IRAK3: variants seen among roughly 807,000 people sequenced by gnomAD.
The protein encoded by IRAK3 is interleukin-1 receptor-associated kinase 3.
A neutral mutation model predicts 56.6 loss-of-function variants in IRAK3; 57 were observed. That is an observed-to-expected ratio of 1.01 (90% confidence interval 0.81 to 1.26). The LOEUF (loss-of-function observed/expected upper bound fraction) is 1.26. Among genes scored for constraint, IRAK3 ranks in the 50% most tolerant of loss-of-function variants. The pLI is 0.00. For missense variants in IRAK3, 703 were observed against 719.0 expected (o/e 0.98, Z 0.25); for synonymous variants, 258 against 255.7 (o/e 1.01, Z -0.09).
intron 6 of IRAK3, among the ~76,000 whole-genome samples, 166 bp downstream of exon 6, chr12:66,217,401 C>T (rs1221308727): frequency 6.6e-6 from 1 of 152,138 alleles, no homozygotes; most frequent in Non-Finnish European, 1.5e-5. Context: ...CCTTAAAGTA[C>T]ATTTTAAAAT....
rs747402969 is a variant in IRAK3 at position 66,253,294 on chromosome 12, A to G, written c.*5123A>G. On this transcript the variant is annotated 3_prime_UTR_variant, in exon 12 of 12. Coordinates refer to ENST00000261233, the MANE Select transcript of IRAK3 (RefSeq NM_007199.3). ...ATACTAATATCTGAGATATCTTCGA[A>G]AAGAAGATTAGTCGTTGTATGTGTT... 1.8e-4 allele frequency: 28 copies of G among 152,242 alleles called. No individual in the cohort carries two copies. The highest frequency in any genetic ancestry group is 3.9e-4 in the Admixed American group (6 of 15,288). 9.4% of individuals were successfully genotyped at this position (152,242 alleles called of 1,614,324 possible). A position where few individuals can be genotyped will look rare whatever the true frequency, so the allele number is the denominator to read the frequency against.
At chr12:66,229,329 A>T (rs1380468112) in intron 8 of IRAK3, among the ~76,000 whole-genome samples, 2 of 152,118 alleles carry the variant, frequency 1.3e-5, no homozygotes, top group Admixed American at 1.3e-4. Flanking sequence ...CTGTCGGTGA[A>T]TTTTTTTCTA....
rs149628351 is a variant in IRAK3 at position 66,242,419 on chromosome 12, G to A, written c.888-2067G>A. Among the ~76,000 whole-genome samples the A allele has an allele frequency of 2.0e-3, 312 of 152,234 alleles. 1 individual carries two copies. Among genetic ancestry groups the A allele is most frequent in the Non-Finnish European group, 3.1e-3 (209 of 68,026 alleles). ...TCTTATCTAGAGCTGGAGAGAAGTC[G>A]GATCTGACTCTAGTCTGTTCCTCAT... On this transcript the variant is annotated intron_variant, in intron 8 of 11. Coordinates refer to ENST00000261233, the MANE Select transcript of IRAK3 (RefSeq NM_007199.3).
chr12:66,217,316 C>T (rs2052687165), intron 6 of IRAK3, 81 bp downstream of exon 6: 1 of 1,011,218 alleles, frequency 9.9e-7, no homozygotes, highest in Non-Finnish European at 1.6e-6. Flanking sequence ...CAGCACAGAG[C>T]TTGGCGTGAC....
intron 8 of IRAK3, among the ~76,000 whole-genome samples, 190 bp from the exon 9 acceptor site, chr12:66,244,296 C>G (rs1273301682): frequency 1.3e-5 from 2 of 152,182 alleles, no homozygotes; most frequent in African/African-American, 4.8e-5. Flanking sequence ...TTCTAGGTTG[C>G]AGATAACACT....
At chr12:66,197,022 G>A in intron 1 of IRAK3, 2 of 1,529,866 alleles carry the variant, frequency 1.3e-6, no homozygotes, top group Non-Finnish European at 1.7e-6. Flanking sequence ...TGCATATGGA[G>A]ACGTGATTTC....
In IRAK3 at chr12:66,197,634, G is replaced by T. The variant is rs906849793; in HGVS notation, c.134-6077G>T. ...CAGGCAGTATTCATTTTAACAGTCT[G>T]GATCAGTTTTTTACCATGAACTTCT... On this transcript the variant is annotated intron_variant, in intron 1 of 11. Transcript: ENST00000261233. The T allele has an allele frequency of 4.1e-6, 4 of 985,224 alleles. No homozygotes were observed. The Admixed American group carries it at 1.8e-4, about 46-fold the overall frequency. 61.0% of individuals were successfully genotyped at this position (985,224 alleles called of 1,614,324 possible).
At chr12:66,218,904 A>G (rs1017390511) in intron 6 of IRAK3, among the ~76,000 whole-genome samples, 1 of 152,118 alleles carries the variant, frequency 6.6e-6, no homozygotes, top group East Asian at 1.9e-4. Flanking sequence ...GCTTCCACAT[A>G]TAAGTGAGAT....
At chr12:66,245,723 G>T (rs1303002127) in intron 11 of IRAK3, among the ~76,000 whole-genome samples, 1 of 151,686 alleles carries the variant, frequency 6.6e-6, no homozygotes, top group Non-Finnish European at 1.5e-5. Flanking sequence ...AATAGAGGCG[G>T]GGTTTCACAT....
rs769338900 is a variant in IRAK3, at chr12:66,252,301, G to C, written c.*4130G>C. ...TCCAGATCTGGAGGAGCCAGGATTTGAACTCACATTTGTCTGACTTCAAAA... is the reference window on the plus strand; with the variant it reads ...TCCAGATCTGGAGGAGCCAGGATTTCAACTCACATTTGTCTGACTTCAAAA... On this transcript the variant is annotated 3_prime_UTR_variant, in exon 12 of 12. Transcript: ENST00000261233. The C allele has an allele frequency of 6.6e-6, 1 of 152,172 alleles. No homozygotes were observed. The highest frequency in any genetic ancestry group is 1.5e-5 in the Non-Finnish European group (1 of 68,028). The allele number at this position is 152,172 out of a possible 1,614,324, so 9.4% of individuals were successfully genotyped here.
chr12:66,200,351 C>T (rs951221564), intron 1 of IRAK3, among the ~76,000 whole-genome samples: 4 of 152,168 alleles, frequency 2.6e-5, no homozygotes, highest in African/African-American at 9.7e-5. Flanking sequence ...TGTAGTGACT[C>T]AGCATTTCAG....
At chr12:66,221,961 G>A (rs543934262) in intron 6 of IRAK3, among the ~76,000 whole-genome samples, 6 of 152,158 alleles carry the variant, frequency 3.9e-5, no homozygotes, top group African/African-American at 9.7e-5. Context: ...CCCGGGAGGC[G>A]GAGGTTGCAG....
Position 66,226,667 on chromosome 12 carries a change from T to C in IRAK3, c.654-56T>C, listed in dbSNP as rs1372735149. The C allele has an allele frequency of 4.0e-6, 4 of 995,160 alleles. No homozygotes were observed. In the East Asian group the frequency reaches 9.5e-5, roughly 24 times the overall value. The allele number at this position is 995,160 out of a possible 1,614,324, so 61.6% of individuals were successfully genotyped here. Reference sequence around the variant, plus strand: ...TTACTACCCCCACACCAGTGTGTTGTTCATTTCCTGTCTGAATAAGCAATT... The same window carrying C: ...TTACTACCCCCACACCAGTGTGTTGCTCATTTCCTGTCTGAATAAGCAATT... On this transcript the variant is annotated intron_variant, in intron 6 of 11. Coordinates refer to ENST00000261233, the MANE Select transcript of IRAK3 (RefSeq NM_007199.3).
At chr12:66,217,382 T>C in intron 6 of IRAK3, 147 bp downstream of exon 6, 4 of 753,062 alleles carry the variant, frequency 5.3e-6, no homozygotes, top group South Asian at 4.3e-5. Context: ...ATATCTGCTT[T>C]AGTATATTCC....
Position 66,228,297 on chromosome 12 carries a change from A to G in IRAK3, c.814A>G (p.Ile272Val). The G allele has an allele frequency of 6.2e-7, 1 of 1,614,172 alleles. No individual in the cohort carries two copies. Among genetic ancestry groups the G allele is most frequent in the Non-Finnish European group, 8.5e-7 (1 of 1,180,010 alleles). Residue 272 changes from isoleucine to valine, a missense_variant, in exon 8 of 12, where the codon ATA (isoleucine) becomes GTA (valine). Ile to Val is a conservative substitution (Grantham distance 29). Coordinates refer to ENST00000261233, the MANE Select transcript of IRAK3 (RefSeq NM_007199.3). Reference protein sequence around the residue: ...LPWHIRIGILIGISKAIHYLH... With the variant: ...LPWHIRIGILVGISKAIHYLH... ...TTGGCACATTCGAATCGGTATATTA[A>G]TAGGAATATCCAAAGCCATTCACTA...
chr12:66,216,821 G>A (rs1306438778), intron 5 of IRAK3, among the ~76,000 whole-genome samples: 1 of 152,114 alleles, frequency 6.6e-6, no homozygotes, highest in African/African-American at 2.4e-5. Context: ...AACACAAGTT[G>A]GATTCTTTAT....
At chr12:66,209,604 A>G (rs2052592755) in intron 3 of IRAK3, 84 bp downstream of exon 3, 2 of 898,762 alleles carry the variant, frequency 2.2e-6, no homozygotes, top group Middle Eastern at 2.1e-4. Flanking sequence ...GCAGGCAGAA[A>G]AATGCTGGAT....
At chr12:66,247,570 C>A in intron 11 of IRAK3, 125 bp from the exon 12 acceptor site, 1 of 702,586 alleles carries the variant, frequency 1.4e-6, no homozygotes, top group Non-Finnish European at 2.4e-6. Context: ...CCTTCTAATT[C>A]AAAATTCTAT....
chr12:66,197,143 G>A (rs1048646610), intron 1 of IRAK3: 3 of 1,265,704 alleles, frequency 2.4e-6, no homozygotes, highest in South Asian at 3.1e-5. Context: ...ACTCCAATAC[G>A]ACTTTCAACA....
Sources: gnomAD v4.1 joint callset for allele counts (sites outside exome capture counted in the v4.1 genomes callset) on GRCh38, gnomAD v4.1.1 for gene constraint, MANE v1.5 for transcripts, NCBI Gene and HGNC (gene_info 2026-07-23, HGNC 2026-07-21) for gene names.